Variants in NAV2 observed in about 807,000 individuals in gnomAD.
NAV2 encodes helicase, APC down-regulated 1.
In NAV2, 54 loss-of-function variants were observed where a neutral mutation model predicts 223.2. The ratio of observed to expected loss-of-function variants is 0.24; its 90% CI spans 0.19 to 0.30. The LOEUF (loss-of-function observed/expected upper bound fraction) is 0.30. Ranked by LOEUF, NAV2 falls within the 10% of genes least tolerant of loss-of-function variation. The pLI, the probability that NAV2 is intolerant of heterozygous loss-of-function variation, is 1.00. For missense variants in NAV2, 2,806 were observed against 3,147.5 expected (o/e 0.89, Z 2.60); for synonymous variants, 1,279 against 1,239.3 (o/e 1.03, Z -0.67).
At chr11:19,757,914 C>G (rs538811948) in intron 1 of NAV2, among the ~76,000 whole-genome samples, 1 of 152,134 alleles carries the variant, frequency 6.6e-6, no homozygotes, top group African/African-American at 2.4e-5. Context: ...TGCAGTCTTA[C>G]CCCCAGTCTC....
At chr11:20,019,695 G>A (rs2054324844) in intron 11 of NAV2, among the ~76,000 whole-genome samples, 2 of 152,038 alleles carry the variant, frequency 1.3e-5, no homozygotes, top group Admixed American at 6.5e-5. Context: ...AGATTGAGAA[G>A]CGCAGTTAGG....
intron 1 of NAV2, among the ~76,000 whole-genome samples, chr11:19,445,254 G>C (rs190228664): frequency 2.0e-5 from 3 of 152,288 alleles, no homozygotes; most frequent in Admixed American, 2.0e-4. Context: ...TGACCAGAAG[G>C]CTACATTTTT....
At chr11:19,504,981 T>G (rs2043078576) in intron 1 of NAV2, 1 of 152,230 alleles carries the variant, frequency 6.6e-6, no homozygotes, top group African/African-American at 2.4e-5. Flanking sequence ...AGATAGAAAG[T>G]GATGGAGTTC....
intron 1 of NAV2, among the ~76,000 whole-genome samples, chr11:19,793,717 G>C (rs149906660): frequency 1.3e-5 from 2 of 152,166 alleles, no homozygotes; most frequent in African/African-American, 4.8e-5. Context: ...GCTACTCAAG[G>C]AAACAGAATA....
chr11:19,369,104 A>G (rs1848385873), intron 1 of NAV2, among the ~76,000 whole-genome samples: 1 of 152,198 alleles, frequency 6.6e-6, no homozygotes, highest in Non-Finnish European at 1.5e-5. Flanking sequence ...CTAAGTGGGA[A>G]ATGGATGTTG....
At chr11:19,362,340 T>C (rs1454535495) in intron 1 of NAV2, among the ~76,000 whole-genome samples, 2 of 152,226 alleles carry the variant, frequency 1.3e-5, no homozygotes, top group Non-Finnish European at 2.9e-5. Flanking sequence ...ACCATATTAT[T>C]ACCACCTTAT....
intron 1 of NAV2, among the ~76,000 whole-genome samples, chr11:19,482,434 G>T (rs1173866260): frequency 2.0e-5 from 3 of 152,306 alleles, no homozygotes; most frequent in Admixed American, 1.3e-4. Flanking sequence ...GGACCCCGGG[G>T]TTATTGTTGC....
chr11:19,602,072 CA>C (rs971589706), intron 1 of NAV2, among the ~76,000 whole-genome samples: 63 of 152,284 alleles, frequency 4.1e-4, no homozygotes, highest in African/African-American at 1.3e-3. Context: ...TGTTCATCCC[CA>C]GTCCAATCAG....
At chr11:19,538,100 CAGAA>C (rs1165659319) in intron 1 of NAV2, among the ~76,000 whole-genome samples, 1 of 152,190 alleles carries the variant, frequency 6.6e-6, no homozygotes, top group Non-Finnish European at 1.5e-5. Context: ...AAATGCCAGA[CAGAA>C]AGCAGCTCAG....
rs913041014 is a variant in NAV2, at chr11:20,096,111, T to C, written c.6012+344T>C. The stretch of plus-strand genomic sequence containing the variant: ...GTCTTAGGACATATGCTTCGGAGTA[T>C]GTAATCTGTGGCCAGGGCTTAGACA... On this transcript the variant is annotated intron_variant, in intron 30 of 37. Transcript: ENST00000349880. Among the ~76,000 whole-genome samples, 11 of 152,364 alleles carry C rather than the reference T, an allele frequency of 7.2e-5. No homozygotes were observed. In the East Asian group the frequency reaches 1.9e-3, roughly 27 times the overall value.
At chr11:19,895,103 TC>T (rs1301621662) in intron 6 of NAV2, among the ~76,000 whole-genome samples, 1 of 120,698 alleles carries the variant, frequency 8.3e-6, no homozygotes, top group African/African-American at 2.8e-5. Flanking sequence ...TCTTTTTCTT[TC>T]TTTTTTTTTT....
At chr11:19,996,217 C>T (rs2051865983) in intron 11 of NAV2, among the ~76,000 whole-genome samples, 1 of 152,192 alleles carries the variant, frequency 6.6e-6, no homozygotes, top group Non-Finnish European at 1.5e-5. Context: ...AATCATTGTG[C>T]TTGCCTCCCT....
At chr11:19,807,772 C>T (rs534568447) in intron 1 of NAV2, among the ~76,000 whole-genome samples, 1 of 152,326 alleles carries the variant, frequency 6.6e-6, no homozygotes, top group African/African-American at 2.4e-5. Flanking sequence ...CAATGATAAC[C>T]TCCTCTCAAA....
intron 1 of NAV2, among the ~76,000 whole-genome samples, chr11:19,412,390 G>A (rs7943746): frequency 0.063 from 9,546 of 152,236 alleles, 1,008 homozygotes; most frequent in African/African-American, 0.22. Context: ...TCTCTGGGCA[G>A]GGCATCTCTG....
intron 31 of NAV2, 127 bp downstream of exon 31, chr11:20,097,872 AC>A: frequency 1.3e-6 from 1 of 770,374 alleles, no homozygotes; most frequent in Non-Finnish European, 2.0e-6. Flanking sequence ...TCTCCCTTCT[AC>A]CACAGTTACT....
At chr11:19,872,849 G>C (rs1026740990) in intron 4 of NAV2, among the ~76,000 whole-genome samples, 3 of 152,224 alleles carry the variant, frequency 2.0e-5, no homozygotes, top group African/African-American at 7.2e-5. Flanking sequence ...CCCTGGACTA[G>C]GCCTCCCTGC....
intron 1 of NAV2, among the ~76,000 whole-genome samples, chr11:19,511,971 A>G (rs1424497628): frequency 6.6e-6 from 1 of 152,230 alleles, no homozygotes; most frequent in Non-Finnish European, 1.5e-5. Flanking sequence ...ATAGCCAGTA[A>G]CAACACATTC....
chr11:20,015,360 T>A lies in NAV2; in HGVS notation c.2769-20599T>A, dbSNP rs1360562419. Among the ~76,000 whole-genome samples, 7 of 152,330 alleles carry A rather than the reference T, an allele frequency of 4.6e-5. No homozygotes were observed. In the East Asian group the frequency reaches 1.3e-3, roughly 29 times the overall value. On this transcript the variant is annotated intron_variant, in intron 11 of 37. Coordinates refer to ENST00000349880, the MANE Select transcript of NAV2 (RefSeq NM_145117.5). ...TGGGATGGGGTTTTATGGGGTAATC[T>A]AGGTTTTGCTATTTAGAAAGCTACA...
intron 20 of NAV2, among the ~76,000 whole-genome samples, chr11:20,065,759 A>G (rs981181541): frequency 6.6e-6 from 1 of 152,228 alleles, no homozygotes; most frequent in Non-Finnish European, 1.5e-5. Context: ...GAAGTGTTTC[A>G]AAGTAGCCTT....
Sources: gnomAD v4.1 joint callset for allele counts (sites outside exome capture counted in the v4.1 genomes callset) on GRCh38, gnomAD v4.1.1 for gene constraint, MANE v1.5 for transcripts, NCBI Gene and HGNC (gene_info 2026-07-23, HGNC 2026-07-21) for gene names.